Variants in CFAP74 observed in about 807,000 individuals in gnomAD.
The protein encoded by CFAP74 is cilia- and flagella-associated protein 74.
In CFAP74, 124 loss-of-function variants were observed where a neutral mutation model predicts 188.9. The ratio of observed to expected loss-of-function variants is 0.66; its 90% CI spans 0.57 to 0.76. The LOEUF (loss-of-function observed/expected upper bound fraction) is 0.76, where lower values mean the gene tolerates loss of function less well. Ranked by LOEUF, CFAP74 falls within the 30% of genes least tolerant of loss-of-function variation. CFAP74 has a pLI of 0.00. For synonymous variants in CFAP74, 956 were observed against 916.7 expected, an observed-to-expected ratio of 1.04 and a Z score of -0.77; for missense variants, 2,198 against 2,165.2, an observed-to-expected ratio of 1.02 and a Z score of -0.30.
At chr1:1,940,198 A>G in intron 23 of CFAP74, 118 bp downstream of exon 23, 1 of 788,488 alleles carries the variant, frequency 1.3e-6, no homozygotes, top group East Asian at 2.7e-5. Context: ...GCCTCCTGGA[A>G]GGCAAGTGAG....
chr1:1,986,258 A>G (rs1657229271), intron 5 of CFAP74, among the ~76,000 whole-genome samples: 1 of 152,190 alleles, frequency 6.6e-6, no homozygotes, highest in African/African-American at 2.4e-5. Context: ...GTGGTGGCAC[A>G]TGCCTGTAAT....
rs1229167047 is a variant in CFAP74, at chr1:1,969,269, T to A, written c.1047-436A>T. On this transcript the variant is annotated intron_variant, in intron 10 of 38. Coordinates refer to ENST00000682832, the MANE Select transcript of CFAP74 (RefSeq NM_001304360.2). ...TGCCCAGCCCTGCCCAACCCAGCCC[T>A]GCCCTGCCCTGCCCAGCCCAGGCCT... is the stretch of plus-strand genomic sequence containing the variant. 1.5e-4 allele frequency among the ~76,000 whole-genome samples: 6 copies of A among 41,106 alleles called. No individual in the cohort carries two copies. In the East Asian group the frequency reaches 5.5e-3, roughly 38 times the overall value. 27.0% of individuals were successfully genotyped at this position (41,106 alleles called of 152,430 possible).
At position 1,973,978 on chromosome 1, in the gene CFAP74, G is replaced by A; in HGVS notation, c.674+47C>T. ...CCTGGGGGAGAGGGCGGAGGGGCTGGCAGAAGCTGCTGGGAAGGGATGGAG... is the reference window on the plus strand; with the variant it reads ...CCTGGGGGAGAGGGCGGAGGGGCTGACAGAAGCTGCTGGGAAGGGATGGAG... On this transcript the variant is annotated intron_variant, in intron 7 of 38. Coordinates refer to ENST00000682832, the MANE Select transcript of CFAP74 (RefSeq NM_001304360.2). This position sits in a 1 kb window ranked among gnomAD's most constrained non-coding sequence, Gnocchi z 6.2. 1 of 1,471,716 alleles carries A rather than the reference G, an allele frequency of 6.8e-7. No homozygotes were observed. The highest frequency in any genetic ancestry group is 9.1e-7 in the Non-Finnish European group (1 of 1,103,632). 91.2% of individuals were successfully genotyped at this position (1,471,716 alleles called of 1,614,324 possible).
chr1:1,924,647 G>A (rs1651711813), intron 33 of CFAP74, 127 bp from the exon 34 acceptor site: 2 of 1,022,322 alleles, frequency 2.0e-6, no homozygotes, highest in Non-Finnish European at 2.8e-6. Flanking sequence ...GTGGCCTGAT[G>A]ACGCCAGCAC....
At chr1:1,936,906 C>A (rs1439208872) in intron 25 of CFAP74, among the ~76,000 whole-genome samples, 167 of 136,716 alleles carry the variant, frequency 1.2e-3, no homozygotes, top group South Asian at 1.7e-3. Flanking sequence ...GACCCTGTCT[C>A]AAAAAAAAAA....
At chr1:1,974,640 C>T (rs992740204) in intron 6 of CFAP74, among the ~76,000 whole-genome samples, 3 of 152,192 alleles carry the variant, frequency 2.0e-5, no homozygotes, top group East Asian at 1.9e-4. Flanking sequence ...GGCTATGGAG[C>T]GTGGAGTCAG....
At position 1,926,871 on chromosome 1, in the gene CFAP74, G is replaced by A. The variant is rs138863716; in HGVS notation, c.3662+23C>T. ...GCGCGTTTGCGGCTGACCACACCCT[G>A]TTCTGGCCAGAGCACCCCGCACCTG... On this transcript the variant is annotated intron_variant, in intron 29 of 38. Coordinates refer to ENST00000682832, the MANE Select transcript of CFAP74 (RefSeq NM_001304360.2). 480 of 1,549,818 alleles carry A rather than the reference G, an allele frequency of 3.1e-4. 3 individuals carry two copies. In the African/African-American group the frequency reaches 5.1e-3, roughly 16 times the overall value.
At chr1:1,950,204 T>C (rs1193572722) in intron 18 of CFAP74, among the ~76,000 whole-genome samples, 2 of 152,238 alleles carry the variant, frequency 1.3e-5, no homozygotes. Flanking sequence ...AGGTGTGTAG[T>C]GGTGTCCCAT....
intron 28 of CFAP74, 108 bp from the exon 29 acceptor site, chr1:1,927,136 G>T: frequency 7.6e-7 from 1 of 1,318,290 alleles, no homozygotes; most frequent in Non-Finnish European, 1.0e-6. Flanking sequence ...AGGGTCCCAA[G>T]CTGTGGCTGT....
Position 1,944,354 on chromosome 1 carries a change from C to T in CFAP74, c.2463G>A (p.Gln821=), listed in dbSNP as rs1653604214. ...ACCGCGTGTGCACGAGCACAGAGTC[C>T]TGGTAGAGCCGGTCATACATGCAGA... ...LKICMYDRLY[Q]DSVLVHTRSK... Residue 821 remains glutamine (Q), a synonymous_variant, in exon 21 of 39, where the codon CAG becomes CAA. Coordinates refer to ENST00000682832, the MANE Select transcript of CFAP74 (RefSeq NM_001304360.2). 1 of 1,535,826 alleles carries T rather than the reference C, an allele frequency of 6.5e-7. No homozygotes were observed. The highest frequency in any genetic ancestry group is 1.4e-5 in the African/African-American group (1 of 73,134).
intron 18 of CFAP74, among the ~76,000 whole-genome samples, chr1:1,949,660 T>C (rs1654085663): frequency 6.6e-6 from 1 of 152,178 alleles, no homozygotes. Context: ...CCCTTTCTAG[T>C]CAACCCTTTC....
chr1:1,992,970 G>GT, intron 1 of CFAP74, among the ~76,000 whole-genome samples: 1 of 151,520 alleles, frequency 6.6e-6, no homozygotes, highest in East Asian at 2.0e-4. Context: ...GGAGGCCAAG[G>GT]TGGGCAGATC....
chr1:1,955,173 C>A, intron 18 of CFAP74: 1 of 1,288,294 alleles, frequency 7.8e-7, no homozygotes, highest in Non-Finnish European at 1.0e-6. Context: ...AGGAGGAGGA[C>A]GGAGGTTTCT....
chr1:1,923,824 T>C lies in CFAP74; in HGVS notation c.4340A>G (p.His1447Arg), dbSNP rs760317464. ...QDFTVTFSPD[H>R]ESLYFSDKLQ... ...CTTGTCGGAGAAGTAGAGGCTTTCG[T>C]GGTCGGGGCTGAAGGTGACAGTGAA... is the stretch of plus-strand genomic sequence containing the variant. The change falls in exon 35 of 39, where the codon CAC (histidine) becomes CGC (arginine). Residue 1447 changes from histidine to arginine, a missense_variant. His to Arg is a conservative substitution (Grantham distance 29, BLOSUM62 0). Transcript: ENST00000682832. The surrounding 1 kb of genome is among the most constrained non-coding windows in gnomAD (Gnocchi z 6.3). The C allele has an allele frequency of 1.2e-6, 2 of 1,613,446 alleles. No homozygotes were observed. The highest frequency in any genetic ancestry group is 1.1e-5 in the South Asian group (1 of 91,080).
In CFAP74 at chr1:1,935,123, A is replaced by G. The variant is rs533678575; in HGVS notation, c.3011+3732T>C. Among the ~76,000 whole-genome samples, 26 of 76,358 alleles carry G rather than the reference A, an allele frequency of 3.4e-4. 4 individuals are homozygous for G. Among genetic ancestry groups the G allele is most frequent in the East Asian group, 1.1e-3 (2 of 1,888 alleles). The allele number at this position is 76,358 out of a possible 152,430, so 50.1% of individuals were successfully genotyped here. A position where few individuals can be genotyped will look rare whatever the true frequency, so the allele number is the denominator to read the frequency against. ...GGTGTGTACGTGGGTGTTAGGTTGT[A>G]GGTACACACGTGTGTACGTGGGTGT... On this transcript the variant is annotated intron_variant, in intron 25 of 38. Transcript: ENST00000682832.
At chr1:1,944,235 G>A (rs929593142) in intron 21 of CFAP74, 96 bp downstream of exon 21, 163 of 1,463,326 alleles carry the variant, frequency 1.1e-4, no homozygotes, top group Admixed American at 1.3e-4. Context: ...CCCCGTGTGC[G>A]TGGACAGGAG....
intron 1 of CFAP74, among the ~76,000 whole-genome samples, chr1:2,000,277 C>T (rs1658143717): frequency 6.6e-6 from 1 of 152,228 alleles, no homozygotes; most frequent in Admixed American, 6.5e-5. Flanking sequence ...GACAGACAGC[C>T]CCACAGCAAA....
At chr1:1,987,145 C>A (rs4603072) in intron 4 of CFAP74, 110 bp from the exon 5 acceptor site, 1 of 792,328 alleles carries the variant, frequency 1.3e-6, no homozygotes, top group Non-Finnish European at 2.0e-6. Context: ...CCCCCAGAGC[C>A]CCCCTCACCC....
intron 24 of CFAP74, among the ~76,000 whole-genome samples, 156 bp from the exon 25 acceptor site, chr1:1,939,144 G>C (rs1397547128): frequency 1.3e-5 from 2 of 152,052 alleles, no homozygotes; most frequent in Non-Finnish European, 2.9e-5. Context: ...GTGTCAGCAA[G>C]TGTGTGAGTG....
Sources: allele counts gnomAD v4.1 joint callset (sites outside exome capture counted in the v4.1 genomes callset), GRCh38; gene constraint gnomAD v4.1.1; non-coding constraint Gnocchi (gnomAD v3.1); transcripts MANE v1.5; gene names NCBI Gene and HGNC (gene_info 2026-07-23, HGNC 2026-07-21).